Variants in KCTD1 observed in about 807,000 individuals in gnomAD.
KCTD1 encodes potassium channel tetramerization domain containing 1.
Under a neutral mutation model 66.0 loss-of-function variants are expected in KCTD1, and 24 were observed. The ratio of observed to expected loss-of-function variants is 0.36; its 90% confidence interval spans 0.26 to 0.51. KCTD1 has a LOEUF of 0.51. Ranked by LOEUF, KCTD1 falls within the 20% of genes least tolerant of loss-of-function variation. The pLI, the probability that KCTD1 is intolerant of heterozygous loss-of-function variation, is 0.95. For missense variants in KCTD1, 943 were observed against 1,205.2 expected (o/e 0.78, Z 3.22); for synonymous variants, 511 against 517.2 (o/e 0.99, Z 0.16).
intron 1 of KCTD1, among the ~76,000 whole-genome samples, chr18:26,536,258 T>G (rs967774824): frequency 6.6e-6 from 1 of 152,188 alleles, no homozygotes; most frequent in Admixed American, 6.5e-5. Context: ...GTTCTGGATT[T>G]TGTGGGATTA....
upstream of KCTD1, among the ~76,000 whole-genome samples, chr18:26,553,498 G>A (rs954650605): frequency 6.6e-6 from 1 of 152,166 alleles, no homozygotes; most frequent in African/African-American, 2.4e-5. Flanking sequence ...GCACATTTAT[G>A]TGTGGGGAGA....
chr18:26,482,174 G>T (rs975929791), intron 2 of KCTD1, among the ~76,000 whole-genome samples: 3 of 152,210 alleles, frequency 2.0e-5, no homozygotes, highest in African/African-American at 7.2e-5. Context: ...GCTTACGGGG[G>T]ACAATGGCTC....
chr18:26,604,093 T>C (rs1986960586), intron 1 of KCTD1, among the ~76,000 whole-genome samples: 1 of 152,058 alleles, frequency 6.6e-6, no homozygotes, highest in Non-Finnish European at 1.5e-5. Flanking sequence ...ATTTAAAAAG[T>C]GGGCAAAGGA....
chr18:26,455,702 G>C lies in KCTD1; in HGVS notation c.*41C>G. 1 of 1,612,876 alleles carries C rather than the reference G, an allele frequency of 6.2e-7. No homozygotes were observed. The highest frequency in any genetic ancestry group is 8.5e-7 in the Non-Finnish European group (1 of 1,179,396). ...ATGTCCCTTTTTTGTTTGAGTTATT[G>C]GTTGTGTGTGTTTTCCTTTTTGCAT... On this transcript the variant is annotated 3_prime_UTR_variant, in exon 5 of 5. Coordinates refer to ENST00000580059, the MANE Select transcript of KCTD1 (RefSeq NM_001142730.3).
intron 1 of KCTD1, among the ~76,000 whole-genome samples, chr18:26,518,168 G>A (rs1351901932): frequency 2.0e-5 from 3 of 152,186 alleles, no homozygotes; most frequent in African/African-American, 7.2e-5. Flanking sequence ...GTGCATCGTA[G>A]CTCCCCATCT....
At chr18:26,550,694 A>G (rs561225884), upstream of KCTD1, among the ~76,000 whole-genome samples, 29 of 152,120 alleles carry the variant, frequency 1.9e-4, no homozygotes, top group African/African-American at 7.0e-4. The surrounding 1 kb of genome is among the most constrained non-coding windows in gnomAD (Gnocchi z 5.4). Flanking sequence ...TTTGTTCACA[A>G]TGCACTGCCC....
chr18:26,466,848 A>G (rs1980760734), intron 3 of KCTD1, among the ~76,000 whole-genome samples: 1 of 152,202 alleles, frequency 6.6e-6, no homozygotes, highest in Non-Finnish European at 1.5e-5. Flanking sequence ...TTTACAGGAA[A>G]TTAAGGGATA....
chr18:26,599,630 A>G, intron 1 of KCTD1: 2 of 1,472,718 alleles, frequency 1.4e-6, no homozygotes, highest in Non-Finnish European at 1.9e-6. Context: ...CACTCTGCAC[A>G]GTGCTGAGAT....
Position 26,499,386 on chromosome 18 carries a change from C to T in KCTD1, c.1988+1686G>A, listed in dbSNP as rs374426808. Among the ~76,000 whole-genome samples, 8 of 152,202 alleles carry T rather than the reference C, an allele frequency of 5.3e-5. No homozygotes were observed. The South Asian group carries it at 1.7e-3, about 32-fold the overall frequency. ...AAGCCATTATTATAATATGATTTTTCGTAGTACCTATTCCAATATACTTAG... is the reference window on the plus strand; with the variant it reads ...AAGCCATTATTATAATATGATTTTTTGTAGTACCTATTCCAATATACTTAG... On this transcript the variant is annotated intron_variant, in intron 2 of 4. Coordinates refer to ENST00000580059, the MANE Select transcript of KCTD1 (RefSeq NM_001142730.3).
At chr18:26,649,367 C>T (rs1987985497) in intron 1 of KCTD1, among the ~76,000 whole-genome samples, 1 of 152,172 alleles carries the variant, frequency 6.6e-6, no homozygotes, top group Admixed American at 6.5e-5. Context: ...AAGTGGATTG[C>T]ACCAGATAAC....
At chr18:26,486,463 C>T (rs1981925898) in intron 2 of KCTD1, among the ~76,000 whole-genome samples, 1 of 152,200 alleles carries the variant, frequency 6.6e-6, no homozygotes, top group Non-Finnish European at 1.5e-5. Context: ...CTCTTTGTTA[C>T]AGAACGAACT....
chr18:26,583,778 C>T (rs1053705010), intron 1 of KCTD1, among the ~76,000 whole-genome samples: 6 of 152,162 alleles, frequency 3.9e-5, no homozygotes, highest in African/African-American at 1.4e-4. Context: ...TAAAAATATC[C>T]TTTCTGTTTA....
chr18:26,584,227 A>T (rs73403311), intron 1 of KCTD1, among the ~76,000 whole-genome samples: 1 of 152,078 alleles, frequency 6.6e-6, no homozygotes, highest in South Asian at 2.1e-4. Context: ...TATCCAATAG[A>T]GTAGCCACTG....
rs201744168 is a variant in KCTD1 at position 26,610,575 on chromosome 18, AAGAG to A, written c.-16+18568_-16+18571del. ...CCTGGGAAACAGTGAGGCTCTAAGAAAGAGAGAGAGAGAGAAAGAAAGGAAGGAA... is the reference window on the plus strand; with the variant it reads ...CCTGGGAAACAGTGAGGCTCTAAGAAAGAGAGAGAGAAAGAAAGGAAGGAA... On this transcript the variant is annotated intron_variant, in intron 1 of 4. Transcript: ENST00000317932. Among the ~76,000 whole-genome samples the A allele has an allele frequency of 2.7e-5, 4 of 149,850 alleles. No individual in the cohort carries two copies. The South Asian group carries it at 6.6e-4, about 25-fold the overall frequency.
At chr18:26,640,548 T>C (rs1568017933), upstream of KCTD1, among the ~76,000 whole-genome samples, 1 of 152,070 alleles carries the variant, frequency 6.6e-6, no homozygotes, top group Non-Finnish European at 1.5e-5. Context: ...AGCAAATGCA[T>C]AGGCACCATG....
chr18:26,455,786 C>T lies in KCTD1; in HGVS notation c.2555G>A (p.Arg852His), dbSNP rs1401268433. The T allele has an allele frequency of 9.9e-6, 16 of 1,613,996 alleles. No individual in the cohort carries two copies. Among genetic ancestry groups the T allele is most frequent in the South Asian group, 4.4e-5 (4 of 91,072 alleles). Residue 852 changes from arginine (R) to histidine (H), a missense_variant, in exon 5 of 5, where the codon CGT becomes CAT. Physicochemically the swap from Arg to His is conservative, Grantham distance 29 (BLOSUM62 0). Around this residue, in one of 10 missense-constraint regions of KCTD1, gnomAD observed 162 missense variants for 232.4 expected, o/e 0.70. Transcript: ENST00000580059. ...CTTTATCCGGATGACGGAGGGTACA[C>T]GGGGCGTCCGCCTCAGTTCCCGCCG... is the stretch of plus-strand genomic sequence containing the variant. Reference protein sequence around the residue: ...VLRRELRRTPRVPSVIRIKQE... With the variant: ...VLRRELRRTPHVPSVIRIKQE...
chr18:26,599,495 T>A, intron 1 of KCTD1: 1 of 1,604,920 alleles, frequency 6.2e-7, no homozygotes. Context: ...GTCTGGTGGA[T>A]GAGCTTCAAG....
At chr18:26,512,118 T>G (rs1458833564) in intron 1 of KCTD1, among the ~76,000 whole-genome samples, 3 of 152,198 alleles carry the variant, frequency 2.0e-5, no homozygotes, top group Non-Finnish European at 2.9e-5. Context: ...GATTCTTTTT[T>G]GTGGAGATGG....
chr18:26,646,891 GA>G (rs201553179), intron 1 of KCTD1, among the ~76,000 whole-genome samples: 5 of 151,300 alleles, frequency 3.3e-5, no homozygotes, highest in East Asian at 3.9e-4. Flanking sequence ...TTAATGGGAA[GA>G]AAAAAAAATA....
Sources: allele counts gnomAD v4.1 joint callset (sites outside exome capture counted in the v4.1 genomes callset), GRCh38; gene constraint gnomAD v4.1.1; regional missense constraint gnomAD v4.1.1; non-coding constraint Gnocchi (gnomAD v3.1); transcripts MANE v1.5; gene names NCBI Gene and HGNC (gene_info 2026-07-23, HGNC 2026-07-21).